Variants in CTDSPL observed in about 807,000 individuals in gnomAD.
CTDSPL encodes the protein CTD small phosphatase-like protein.
CTDSPL carries 8 observed loss-of-function variants against 30.5 expected under a neutral mutation model. The observed-to-expected ratio is 0.26, with a 90% CI of 0.15 to 0.47. The LOEUF is 0.47. Ranked by LOEUF, CTDSPL falls within the 20% of genes least tolerant of loss-of-function variation. The probability of loss-of-function intolerance (pLI) is 0.99; values close to 1 mark genes in which losing one functional copy is unlikely to be tolerated. For synonymous variants in CTDSPL, 110 were observed against 137.9 expected (o/e 0.80, Z 1.42); for missense variants, 248 against 366.1 (o/e 0.68, Z 2.63).
At chr3:37,968,367 AAG>A (rs1699324123) in intron 5 of CTDSPL, 1 of 368,218 alleles carries the variant, frequency 2.7e-6, no homozygotes, top group Non-Finnish European at 5.5e-6. Context: ...CCAAAAGAAA[AAG>A]GGGGAAGGGT....
At chr3:37,957,024 C>T in intron 2 of CTDSPL, 87 bp from the exon 3 acceptor site, 2 of 1,050,970 alleles carry the variant, frequency 1.9e-6, no homozygotes, top group African/African-American at 1.6e-5. Context: ...CATGCAGCTG[C>T]TGTGCTCAAG....
At chr3:37,911,591 A>G (rs916461937) in intron 1 of CTDSPL, 6 of 444,876 alleles carry the variant, frequency 1.3e-5, no homozygotes, top group Admixed American at 4.8e-5. Flanking sequence ...AACCCCCAAC[A>G]TGAACCTTTG....
chr3:37,874,687 G>A (rs901190252), intron 1 of CTDSPL, among the ~76,000 whole-genome samples: 2 of 152,000 alleles, frequency 1.3e-5, no homozygotes, highest in Admixed American at 6.6e-5. Context: ...CTGAGACTGC[G>A]CCACTGCACT....
chr3:37,914,983 C>T (rs1698628825), intron 1 of CTDSPL, among the ~76,000 whole-genome samples: 1 of 150,598 alleles, frequency 6.6e-6, no homozygotes, highest in South Asian at 2.1e-4. Flanking sequence ...CTCCTGCCCT[C>T]CAGCAGTCCT....
intron 1 of CTDSPL, among the ~76,000 whole-genome samples, chr3:37,943,421 G>A (rs1421387288): frequency 6.7e-6 from 1 of 149,952 alleles, no homozygotes; most frequent in Non-Finnish European, 1.5e-5. Flanking sequence ...AGGGAGTAAG[G>A]TGGGCAGGTG....
chr3:37,947,035 T>A, intron 1 of CTDSPL, 22 bp from the exon 2 acceptor site: 1 of 1,608,988 alleles, frequency 6.2e-7, no homozygotes, highest in Non-Finnish European at 8.5e-7. Flanking sequence ...TTGGCCATAG[T>A]GTGCTCTGTT....
At chr3:37,870,928 T>G (rs1033128738) in intron 1 of CTDSPL, among the ~76,000 whole-genome samples, 2 of 152,192 alleles carry the variant, frequency 1.3e-5, no homozygotes, top group Non-Finnish European at 2.9e-5. Flanking sequence ...GTGGCCCATT[T>G]ATTACAATTG....
chr3:37,865,459 A>T (rs1470689591), intron 1 of CTDSPL, among the ~76,000 whole-genome samples: 1 of 152,256 alleles, frequency 6.6e-6, no homozygotes, highest in Non-Finnish European at 1.5e-5. Context: ...GGTTTGGAAA[A>T]TGACTTAATA....
At position 37,940,611 on chromosome 3, in the gene CTDSPL, A is replaced by G. The variant is rs1172818523; in HGVS notation, c.80-6446A>G. ...ATGTTAAGAAACCCAGCAAAAGGCA[A>G]ATATCCCTTCCAATAGGGCTTGCAT... is the stretch of plus-strand genomic sequence containing the variant. On this transcript the variant is annotated intron_variant, in intron 1 of 7. Transcript: ENST00000273179. 2.0e-5 allele frequency among the ~76,000 whole-genome samples: 3 copies of G among 150,278 alleles called. 1 individual carries two copies. The highest frequency in any genetic ancestry group is 2.2e-4 in the South Asian group (1 of 4,642).
chr3:37,936,967 G>T (rs1315497353), intron 1 of CTDSPL, among the ~76,000 whole-genome samples: 1 of 133,470 alleles, frequency 7.5e-6, no homozygotes, highest in African/African-American at 2.5e-5. Flanking sequence ...GCAGGCTTTT[G>T]GTGCTTTGAA....
chr3:37,945,038 A>G (rs1699019482), intron 1 of CTDSPL, among the ~76,000 whole-genome samples: 1 of 150,248 alleles, frequency 6.7e-6, no homozygotes, highest in South Asian at 2.1e-4. Context: ...TGAAAATAGG[A>G]CCTGGGAAGG....
At chr3:37,929,257 T>A (rs765893682) in intron 1 of CTDSPL, among the ~76,000 whole-genome samples, 5 of 152,186 alleles carry the variant, frequency 3.3e-5, no homozygotes, top group Non-Finnish European at 5.9e-5. Context: ...TTTTGGCTAT[T>A]AAGGGTCTTT....
intron 1 of CTDSPL, among the ~76,000 whole-genome samples, chr3:37,868,896 C>T (rs1275467253): frequency 1.3e-5 from 2 of 151,970 alleles, no homozygotes; most frequent in African/African-American, 2.4e-5. Context: ...AGTTTTGTTG[C>T]CACATTATGT....
At chr3:37,967,687 G>A (rs1699313767) in intron 4 of CTDSPL, 139 bp from the exon 5 acceptor site, 1 of 598,020 alleles carries the variant, frequency 1.7e-6, no homozygotes, top group Non-Finnish European at 2.9e-6. Flanking sequence ...AAGGAACCAA[G>A]GCATGCTTCA....
intron 1 of CTDSPL, among the ~76,000 whole-genome samples, chr3:37,910,392 A>G (rs1698569251): frequency 6.6e-6 from 1 of 152,198 alleles, no homozygotes; most frequent in African/African-American, 2.4e-5. Flanking sequence ...AAGGCAGGAG[A>G]ATTACTTGAA....
At chr3:37,912,816 C>A (rs1045490228) in intron 1 of CTDSPL, among the ~76,000 whole-genome samples, 14 of 152,362 alleles carry the variant, frequency 9.2e-5, no homozygotes, top group East Asian at 7.7e-4. Flanking sequence ...ATCCTGTCTT[C>A]TCATCATCAT....
chr3:37,978,177 C>A (rs1056138690), intron 7 of CTDSPL, among the ~76,000 whole-genome samples: 4 of 152,184 alleles, frequency 2.6e-5, no homozygotes, highest in African/African-American at 4.8e-5. Context: ...GGTGTTCTAG[C>A]GGCCTCCAAA....
chr3:37,930,199 T>C (rs1305941039), intron 1 of CTDSPL, among the ~76,000 whole-genome samples: 1 of 152,104 alleles, frequency 6.6e-6, no homozygotes, highest in Non-Finnish European at 1.5e-5. Flanking sequence ...AGATTTCTAG[T>C]TTCATTTCAT....
At chr3:37,889,867 T>G (rs890142323) in intron 1 of CTDSPL, among the ~76,000 whole-genome samples, 2 of 152,232 alleles carry the variant, frequency 1.3e-5, no homozygotes, top group African/African-American at 4.8e-5. Context: ...GAGGGTAAGT[T>G]ATTTTCCGTT....
Sources: allele counts gnomAD v4.1 joint callset (sites outside exome capture counted in the v4.1 genomes callset), GRCh38; gene constraint gnomAD v4.1.1; transcripts MANE v1.5; gene names NCBI Gene and HGNC (gene_info 2026-07-23, HGNC 2026-07-21).